Variants in EPHB2 observed in about 807,000 individuals in gnomAD.
EPHB2 encodes the protein EPH receptor B2.
Under a neutral mutation model 96.4 loss-of-function variants are expected in EPHB2, and 18 were observed. The observed-to-expected ratio is 0.19, with a 90% CI of 0.13 to 0.28. The LOEUF is 0.28. Among genes scored for constraint, EPHB2 ranks in the 10% least tolerant of loss-of-function variants. The probability of loss-of-function intolerance (pLI) is 1.00; values close to 1 mark genes in which losing one functional copy is unlikely to be tolerated. For synonymous variants in EPHB2, 506 were observed against 534.1 expected, an observed-to-expected ratio of 0.95 and a Z score of 0.72; for missense variants, 989 against 1,355.4, an observed-to-expected ratio of 0.73 and a Z score of 4.25.
At chr1:22,878,876 G>A (rs369906859) in intron 5 of EPHB2, among the ~76,000 whole-genome samples, 18 of 152,344 alleles carry the variant, frequency 1.2e-4, no homozygotes, top group African/African-American at 4.3e-4. Flanking sequence ...TGGCAGCAGC[G>A]CAATCCAAAT....
In EPHB2 at chr1:22,863,077, G is replaced by A. The variant is rs919822792; in HGVS notation, c.852G>A (p.Glu284=). 1.9e-6 allele frequency: 3 copies of A among 1,614,172 alleles called. No individual in the cohort carries two copies. Among genetic ancestry groups the A allele is most frequent in the Middle Eastern group, 1.7e-4 (1 of 6,060 alleles). The change falls in exon 4 of 16, where the codon GAG becomes GAA. Residue 284 remains glutamate, a synonymous_variant. Coordinates refer to ENST00000374630, the MANE Select transcript of EPHB2 (RefSeq NM_017449.5). ...CTTTCAAGGCCAACCAAGGGGATGA[G>A]GCCTGTACCCACTGTCCCATCAACA... The part of the protein sequence containing the change: ...SGTFKANQGD[E]ACTHCPINSR...
chr1:22,765,479 G>A (rs903508090), intron 1 of EPHB2, among the ~76,000 whole-genome samples: 21 of 149,926 alleles, frequency 1.4e-4, no homozygotes, highest in African/African-American at 2.5e-4. Flanking sequence ...CCCTGGAGGC[G>A]GAGGTTGCAG....
chr1:22,797,426 C>T (rs1218141075), intron 3 of EPHB2, among the ~76,000 whole-genome samples: 1 of 152,162 alleles, frequency 6.6e-6, no homozygotes, highest in Non-Finnish European at 1.5e-5. Flanking sequence ...CACCCCCCTC[C>T]ACCTCTCGCT....
rs546346025 is a variant in EPHB2, at chr1:22,919,453, T to G, written c.*5883T>G. 4.6e-4 allele frequency: 70 copies of G among 152,432 alleles called. No homozygotes were observed. The highest frequency in any genetic ancestry group is 1.6e-3 in the African/African-American group (67 of 41,546). 9.4% of individuals were successfully genotyped at this position (152,432 alleles called of 1,614,324 possible). On this transcript the variant is annotated 3_prime_UTR_variant, in exon 16 of 16. Transcript: ENST00000374630. ...CAAGAAGCAGCAGAAATTTAATACT[T>G]TGGAGGGGCCCAGCAACCCACTCAG...
chr1:22,713,370 A>G (rs1476934195), intron 1 of EPHB2, among the ~76,000 whole-genome samples: 1 of 152,126 alleles, frequency 6.6e-6, no homozygotes, highest in Non-Finnish European at 1.5e-5. Flanking sequence ...CTCTGGGTGT[A>G]AAATGGCCTG....
intron 1 of EPHB2, among the ~76,000 whole-genome samples, chr1:22,735,758 C>T (rs1480803457): frequency 1.3e-5 from 2 of 152,202 alleles, no homozygotes; most frequent in East Asian, 1.9e-4. Flanking sequence ...CCTCTTCCCA[C>T]CCTGGGACAG....
intron 1 of EPHB2, among the ~76,000 whole-genome samples, chr1:22,758,940 A>AATGG (rs1337020725): frequency 6.7e-6 from 1 of 148,640 alleles, no homozygotes; most frequent in Non-Finnish European, 1.5e-5. Context: ...TGGGTGGATG[A>AATGG]ATGGATGGAT....
In EPHB2 at chr1:22,920,902, C is replaced by G. The variant is rs744834; in HGVS notation, c.*7332C>G. ...CTGTGAGACAGGTACAATTATTACT[C>G]CCATTCCACAGACTAGCAAACTCAG... On this transcript the variant is annotated 3_prime_UTR_variant, in exon 16 of 16. Coordinates refer to ENST00000374630, the MANE Select transcript of EPHB2 (RefSeq NM_017449.5). The G allele has an allele frequency of 6.6e-6, 1 of 152,010 alleles. No homozygotes were observed. Among genetic ancestry groups the G allele is most frequent in the African/African-American group, 2.4e-5 (1 of 41,394 alleles). The allele number at this position is 152,010 out of a possible 1,614,324, so 9.4% of individuals were successfully genotyped here. A position where few individuals can be genotyped will look rare whatever the true frequency, so the allele number is the denominator to read the frequency against.
chr1:22,717,377 A>AG (rs1643321151), intron 1 of EPHB2, among the ~76,000 whole-genome samples: 1 of 152,114 alleles, frequency 6.6e-6, no homozygotes, highest in South Asian at 2.1e-4. Context: ...AGGGTGCAGG[A>AG]GGGGGACACC....
At position 22,801,957 on chromosome 1, in the gene EPHB2, C is replaced by A. The variant is rs114270631; in HGVS notation, c.811+16881C>A. On this transcript the variant is annotated intron_variant, in intron 3 of 15. Transcript: ENST00000374630. ...GCCGCGCCGAATCCCGCCTCAGCCCCTCCGAGCACGCTCAGCCAAGCTGCA... is the reference window on the plus strand; with the variant it reads ...GCCGCGCCGAATCCCGCCTCAGCCCATCCGAGCACGCTCAGCCAAGCTGCA... Among the ~76,000 whole-genome samples, 564 of 152,366 alleles carry A rather than the reference C, an allele frequency of 3.7e-3. 1 individual carries two copies. Among genetic ancestry groups the A allele is most frequent in the Non-Finnish European group, 7.0e-3 (474 of 68,046 alleles).
intron 6 of EPHB2, among the ~76,000 whole-genome samples, chr1:22,884,765 G>A (rs549859283): frequency 6.6e-6 from 1 of 152,128 alleles, no homozygotes; most frequent in African/African-American, 2.4e-5. Context: ...CCAGATCTCA[G>A]CCTAACATCA....
chr1:22,909,048 A>G lies in EPHB2; in HGVS notation c.2379A>G (p.Thr793=). 6.2e-7 allele frequency: 1 copy of G among 1,614,206 alleles called. No individual in the cohort carries two copies. Among genetic ancestry groups the G allele is most frequent in the Non-Finnish European group, 8.5e-7 (1 of 1,180,028 alleles). ...GCGGAAAGATCCCCATCCGCTGGAC[A>G]GCCCCGGAAGCCATCCAGTACCGGA... ...ALGGKIPIRW[T]APEAIQYRKF... Residue 793 remains threonine, a synonymous_variant, in exon 13 of 16, where the codon ACA becomes ACG. Coordinates refer to ENST00000374630, the MANE Select transcript of EPHB2 (RefSeq NM_017449.5).
At chr1:22,751,106 G>A (rs935761149) in intron 1 of EPHB2, among the ~76,000 whole-genome samples, 4 of 152,212 alleles carry the variant, frequency 2.6e-5, no homozygotes, top group African/African-American at 9.6e-5. Flanking sequence ...AATAGCCAAA[G>A]TCCTAACAGT....
chr1:22,886,861 G>A (rs1639242017), intron 6 of EPHB2, among the ~76,000 whole-genome samples: 1 of 151,946 alleles, frequency 6.6e-6, no homozygotes, highest in Admixed American at 6.6e-5. Flanking sequence ...TCTGACCTCA[G>A]GTGATCCGCC....
chr1:22,866,612 G>C (rs7545588), intron 5 of EPHB2, among the ~76,000 whole-genome samples: 3,364 of 152,092 alleles, frequency 0.022, 60 homozygotes, highest in Non-Finnish European at 0.032. Context: ...TCAGAAGGGA[G>C]GAAGGGCATG....
intron 1 of EPHB2, among the ~76,000 whole-genome samples, 156 bp downstream of exon 1, chr1:22,711,199 G>A (rs866277356): frequency 1.6e-4 from 24 of 146,776 alleles, no homozygotes; most frequent in South Asian, 8.3e-4. Flanking sequence ...GCCGCGCCGG[G>A]AGGAGCGGGC....
At chr1:22,820,079 C>T (rs150589032) in intron 3 of EPHB2, among the ~76,000 whole-genome samples, 1 of 152,118 alleles carries the variant, frequency 6.6e-6, no homozygotes, top group African/African-American at 2.4e-5. Context: ...TGCAAAACAA[C>T]CCTGTTGAGA....
intron 1 of EPHB2, among the ~76,000 whole-genome samples, chr1:22,726,271 T>C (rs1643579089): frequency 6.6e-6 from 1 of 152,172 alleles, no homozygotes; most frequent in Admixed American, 6.5e-5. Context: ...CTGCTCTTTC[T>C]TCTTCTTTTC....
intron 3 of EPHB2, among the ~76,000 whole-genome samples, chr1:22,798,697 C>T (rs1187044523): frequency 1.3e-5 from 2 of 152,128 alleles, no homozygotes; most frequent in African/African-American, 4.8e-5. Flanking sequence ...TGCCACTAGC[C>T]ACCCATGAGA....
Sources: gnomAD v4.1 joint callset for allele counts (sites outside exome capture counted in the v4.1 genomes callset) on GRCh38, gnomAD v4.1.1 for gene constraint, MANE v1.5 for transcripts, NCBI Gene and HGNC (gene_info 2026-07-23, HGNC 2026-07-21) for gene names.